GREM2: variants seen among roughly 807,000 people sequenced by gnomAD.
GREM2 encodes gremlin 2, DAN family BMP antagonist.
In GREM2, 11 loss-of-function variants were observed where a neutral mutation model predicts 14.2. The observed-to-expected ratio is 0.78, with a 90% CI of 0.49 to 1.28. The LOEUF is 1.28. Ranked by LOEUF, GREM2 falls within the 50% of genes most tolerant of loss-of-function variation. The pLI is 0.00. For missense variants in GREM2, 210 were observed against 218.5 expected (o/e 0.96, Z 0.24); for synonymous variants, 98 against 97.6 (o/e 1.00, Z -0.02).
chr1:240,599,746 A>G (rs912730791), intron 1 of GREM2, among the ~76,000 whole-genome samples: 9 of 152,332 alleles, frequency 5.9e-5, no homozygotes, highest in Admixed American at 3.3e-4. Context: ...TGGGAAGGGT[A>G]GTCACTGGCC....
chr1:240,585,830 C>T (rs1342135375), intron 1 of GREM2, among the ~76,000 whole-genome samples: 1 of 151,216 alleles, frequency 6.6e-6, no homozygotes, highest in African/African-American at 2.4e-5. Flanking sequence ...ACCTACTTGG[C>T]CCAGGAAGGC....
chr1:240,511,187 A>T (rs7548768), intron 1 of GREM2, among the ~76,000 whole-genome samples: 65,506 of 152,006 alleles, frequency 0.43, 14,213 homozygotes, highest in Middle Eastern at 0.53. Flanking sequence ...ACAGATCTTG[A>T]ACTCTAACAT....
At chr1:240,587,657 C>T in intron 1 of GREM2, among the ~76,000 whole-genome samples, 1 of 152,074 alleles carries the variant, frequency 6.6e-6, no homozygotes, top group Non-Finnish European at 1.5e-5. Context: ...ATGTAAATAG[C>T]TTTAATATAC....
intron 1 of GREM2, among the ~76,000 whole-genome samples, chr1:240,533,392 G>A (rs530262708): frequency 5.3e-5 from 8 of 152,178 alleles, no homozygotes; most frequent in Non-Finnish European, 7.3e-5. Context: ...AGCACACAAG[G>A]CATGATAAAT....
At chr1:240,499,832 T>G (rs1572364862) in intron 1 of GREM2, among the ~76,000 whole-genome samples, 1 of 82,658 alleles carries the variant, frequency 1.2e-5, no homozygotes, top group Non-Finnish European at 2.4e-5. Flanking sequence ...AGTCTATGGC[T>G]GCTGCTTTGG....
At chr1:240,570,588 C>T (rs375374619) in intron 1 of GREM2, among the ~76,000 whole-genome samples, 13 of 152,340 alleles carry the variant, frequency 8.5e-5, no homozygotes, top group East Asian at 5.8e-4. Flanking sequence ...GAAACACTTA[C>T]TGTCCACATA....
chr1:240,566,164 GA>G (rs1679174959), intron 1 of GREM2, among the ~76,000 whole-genome samples: 3 of 152,086 alleles, frequency 2.0e-5, no homozygotes, highest in Admixed American at 2.0e-4. Flanking sequence ...TTTTTCAAAA[GA>G]AAATGTAGAC....
chr1:240,492,168 G>A lies in GREM2; in HGVS notation c.*801C>T, dbSNP rs868072936. 1.1e-5 allele frequency: 5 copies of A among 442,530 alleles called. No individual in the cohort carries two copies. Among genetic ancestry groups the A allele is most frequent in the South Asian group, 7.9e-5 (5 of 62,968 alleles). The allele number at this position is 442,530 out of a possible 1,614,324, so 27.4% of individuals were successfully genotyped here. ...ATATACGGTCACTTATAAAACCAGC[G>A]TTAATATAGAGACCTTTGTGTGTGA... On this transcript the variant is annotated 3_prime_UTR_variant, in exon 2 of 2. Transcript: ENST00000318160.
At chr1:240,583,305 A>C (rs1188344702) in intron 1 of GREM2, among the ~76,000 whole-genome samples, 7 of 152,230 alleles carry the variant, frequency 4.6e-5, no homozygotes, top group Non-Finnish European at 5.9e-5. Flanking sequence ...TAAATTATCC[A>C]ACCACATAAA....
chr1:240,560,205 T>A (rs74744742), intron 1 of GREM2, among the ~76,000 whole-genome samples: 4,758 of 152,254 alleles, frequency 0.031, 153 homozygotes, highest in African/African-American at 0.079. Flanking sequence ...ATGGAGAACG[T>A]TCTTAAGTGA....
At chr1:240,529,978 G>C (rs1451239363) in intron 1 of GREM2, among the ~76,000 whole-genome samples, 1 of 152,134 alleles carries the variant, frequency 6.6e-6, no homozygotes, top group Non-Finnish European at 1.5e-5. Flanking sequence ...TAACATTTCA[G>C]CTCTATGTAG....
intron 1 of GREM2, among the ~76,000 whole-genome samples, chr1:240,527,333 TA>T (rs1263416306): frequency 6.6e-6 from 1 of 152,238 alleles, no homozygotes; most frequent in Non-Finnish European, 1.5e-5. Context: ...TGGGAGTCTT[TA>T]AAATAATACT....
chr1:240,557,585 T>A (rs1262265737), intron 1 of GREM2, among the ~76,000 whole-genome samples: 1 of 152,196 alleles, frequency 6.6e-6, no homozygotes, highest in East Asian at 1.9e-4. Context: ...ATGAATCTAT[T>A]TTTTTGTTTA....
At chr1:240,534,071 C>A (rs191647557) in intron 1 of GREM2, among the ~76,000 whole-genome samples, 1 of 152,196 alleles carries the variant, frequency 6.6e-6, no homozygotes. Flanking sequence ...ATGGGCTAGT[C>A]CTGAAATTGA....
In GREM2 at chr1:240,542,995, C is replaced by T. The variant is rs1472870572; in HGVS notation, c.-1-49519G>A. The stretch of plus-strand genomic sequence containing the variant: ...CTTCTTTGTGAAGCCTCTTACTTTC[C>T]TTCCGACCCATTGTCAAGATCCCAC... On this transcript the variant is annotated intron_variant, in intron 1 of 1. Coordinates refer to ENST00000318160, the MANE Select transcript of GREM2 (RefSeq NM_022469.4). This position sits in a 1 kb window ranked among gnomAD's most constrained non-coding sequence, Gnocchi z 4.1. Among the ~76,000 whole-genome samples the T allele has an allele frequency of 6.6e-6, 1 of 152,168 alleles. No homozygotes were observed. The highest frequency in any genetic ancestry group is 1.5e-5 in the Non-Finnish European group (1 of 68,042).
In GREM2 at chr1:240,492,859, G is replaced by T; in HGVS notation, c.*110C>A. Reference sequence around the variant, plus strand: ...CCTAAGAGAAGTGCTTGCTGCTGAGGGGGAACACCAGGCAGCGTGACAGTG... The same window carrying T: ...CCTAAGAGAAGTGCTTGCTGCTGAGTGGGAACACCAGGCAGCGTGACAGTG... On this transcript the variant is annotated 3_prime_UTR_variant, in exon 2 of 2. Transcript: ENST00000318160. 9.1e-7 allele frequency: 1 copy of T among 1,102,854 alleles called. No individual in the cohort carries two copies. Among genetic ancestry groups the T allele is most frequent in the Non-Finnish European group, 1.2e-6 (1 of 852,354 alleles). 68.3% of individuals were successfully genotyped at this position (1,102,854 alleles called of 1,614,324 possible).
chr1:240,593,160 T>C (rs1571948006), intron 1 of GREM2, among the ~76,000 whole-genome samples: 1 of 151,380 alleles, frequency 6.6e-6, no homozygotes, highest in East Asian at 1.9e-4. Flanking sequence ...AAGAAAAAAA[T>C]AAAATAAAAT....
chr1:240,604,709 G>A (rs1378325345), intron 1 of GREM2, among the ~76,000 whole-genome samples: 2 of 152,306 alleles, frequency 1.3e-5, no homozygotes, highest in South Asian at 2.1e-4. Flanking sequence ...TATAATCCCA[G>A]CACTTTGTGA....
intron 1 of GREM2, among the ~76,000 whole-genome samples, chr1:240,528,171 G>A (rs754393745): frequency 2.0e-5 from 3 of 152,124 alleles, no homozygotes; most frequent in Non-Finnish European, 4.4e-5. Flanking sequence ...AAGACAGAGG[G>A]TCACAGAAGT....
Sources: allele counts gnomAD v4.1 joint callset (sites outside exome capture counted in the v4.1 genomes callset), GRCh38; gene constraint gnomAD v4.1.1; non-coding constraint Gnocchi (gnomAD v3.1); transcripts MANE v1.5; gene names NCBI Gene and HGNC (gene_info 2026-07-23, HGNC 2026-07-21).